Variants in SDHAF3 observed in about 807,000 individuals in gnomAD.
The protein encoded by SDHAF3 is succinate dehydrogenase complex assembly factor 3, also known as succinate dehydrogenase assembly factor 3, mitochondrial.
A neutral mutation model predicts 11.5 loss-of-function variants in SDHAF3; 18 were observed. The observed-to-expected ratio is 1.56, with a 90% confidence interval of 1.08 to 2.32. SDHAF3 has a LOEUF of 2.32. Ranked by LOEUF, SDHAF3 falls within the 30% of genes most tolerant of loss-of-function variation. The pLI, the probability that SDHAF3 is intolerant of heterozygous loss-of-function variation, is 0.00. For missense variants in SDHAF3, 200 were observed against 154.4 expected, an observed-to-expected ratio of 1.30 and a Z score of -1.57; for synonymous variants, 72 against 59.3, an observed-to-expected ratio of 1.21 and a Z score of -0.99.
Position 97,181,090 on chromosome 7 carries a change from C to G in SDHAF3, c.253C>G (p.Leu85Val), listed in dbSNP as rs771381405. The G allele has an allele frequency of 1.1e-5, 17 of 1,614,004 alleles. No homozygotes were observed. The highest frequency in any genetic ancestry group is 1.4e-5 in the Non-Finnish European group (17 of 1,179,950). ...STGKACFGTFLPEEKLNDFRD... is the reference protein window; with the variant it reads ...STGKACFGTFVPEEKLNDFRD... ...TGGAAAAGCATGTTTTGGCACCTTC[C>G]TCCCAGAAGAAAAACTTAATGACTT... The change falls in exon 2 of 2, where the codon CTC (leucine) becomes GTC (valine). Residue 85 changes from leucine (L) to valine (V), a missense_variant. By Grantham distance (32) the Leu-to-Val change is conservative. Coordinates refer to ENST00000432641, the MANE Select transcript of SDHAF3 (RefSeq NM_020186.3).
At chr7:97,167,257 A>T (rs1346595027) in intron 1 of SDHAF3, among the ~76,000 whole-genome samples, 1 of 152,016 alleles carries the variant, frequency 6.6e-6, no homozygotes, top group Non-Finnish European at 1.5e-5. Context: ...CTGATGGTTT[A>T]AAAGTGTGTA....
chr7:97,123,146 TC>T, intron 1 of SDHAF3, among the ~76,000 whole-genome samples: 1 of 151,866 alleles, frequency 6.6e-6, no homozygotes, highest in Non-Finnish European at 1.5e-5. Flanking sequence ...ACCTCCTCTT[TC>T]CCCCCACCCC....
intron 1 of SDHAF3, among the ~76,000 whole-genome samples, chr7:97,122,488 G>C (rs951934448): frequency 2.0e-5 from 3 of 151,862 alleles, no homozygotes; most frequent in African/African-American, 7.3e-5. Flanking sequence ...TGAAAATGGA[G>C]GATATAGATT....
At chr7:97,141,316 G>A (rs1368191469) in intron 1 of SDHAF3, among the ~76,000 whole-genome samples, 1 of 152,060 alleles carries the variant, frequency 6.6e-6, no homozygotes, top group Non-Finnish European at 1.5e-5. Context: ...TTATTACCTT[G>A]TGAAGCATGT....
chr7:97,158,441 C>T (rs997697394), intron 1 of SDHAF3, among the ~76,000 whole-genome samples: 7 of 152,138 alleles, frequency 4.6e-5, no homozygotes, highest in Admixed American at 4.6e-4. Flanking sequence ...GATTCTCATG[C>T]CCCAGCCTCC....
At chr7:97,174,876 C>T (rs182716956) in intron 1 of SDHAF3, among the ~76,000 whole-genome samples, 12 of 152,288 alleles carry the variant, frequency 7.9e-5, no homozygotes, top group Non-Finnish European at 1.5e-4. Flanking sequence ...ACTTCTGAGA[C>T]TGGCGTTGTT....
chr7:97,157,280 T>C (rs1316039480), intron 1 of SDHAF3, among the ~76,000 whole-genome samples: 1 of 152,222 alleles, frequency 6.6e-6, no homozygotes, highest in Non-Finnish European at 1.5e-5. Context: ...GTTAGACTTC[T>C]GTACCTGGTA....
At chr7:97,134,916 G>A (rs1791726963) in intron 1 of SDHAF3, 1 of 152,056 alleles carries the variant, frequency 6.6e-6, no homozygotes. Flanking sequence ...ATCTAGTAAG[G>A]GCAGAGACAT....
At chr7:97,168,561 A>T (rs1318394373) in intron 1 of SDHAF3, among the ~76,000 whole-genome samples, 1 of 152,182 alleles carries the variant, frequency 6.6e-6, no homozygotes, top group Non-Finnish European at 1.5e-5. Flanking sequence ...TCTCAGTTAT[A>T]ATTTTGCAAT....
In SDHAF3 at chr7:97,181,394, T is replaced by C. The variant is rs1034026095; in HGVS notation, c.*179T>C. On this transcript the variant is annotated 3_prime_UTR_variant, in exon 2 of 2. Transcript: ENST00000432641. ...ATCACTAGTGACAATTGAAAAAAAC[T>C]ATTGGAATAATAGCACTTGTATGAA... 1 of 491,038 alleles carries C rather than the reference T, an allele frequency of 2.0e-6. No homozygotes were observed. The highest frequency in any genetic ancestry group is 2.0e-5 in the African/African-American group (1 of 50,550). 30.4% of individuals were successfully genotyped at this position (491,038 alleles called of 1,614,324 possible). A position where few individuals can be genotyped will look rare whatever the true frequency, so the allele number is the denominator to read the frequency against.
chr7:97,174,951 C>A (rs935283906), intron 1 of SDHAF3, among the ~76,000 whole-genome samples: 1 of 152,072 alleles, frequency 6.6e-6, no homozygotes, highest in Non-Finnish European at 1.5e-5. Flanking sequence ...ACACTTAGGT[C>A]TCTTGTGTTT....
chr7:97,158,664 A>T (rs1021685694), intron 1 of SDHAF3, among the ~76,000 whole-genome samples: 19 of 152,194 alleles, frequency 1.2e-4, no homozygotes, highest in African/African-American at 4.3e-4. Flanking sequence ...AAATGGAAAG[A>T]TGCATGACCA....
chr7:97,173,304 C>G (rs1372078368), intron 1 of SDHAF3, among the ~76,000 whole-genome samples: 1 of 152,062 alleles, frequency 6.6e-6, no homozygotes, highest in Non-Finnish European at 1.5e-5. Context: ...TGTATATATG[C>G]ATTTTTTTAA....
At chr7:97,173,048 T>G (rs1014341) in intron 1 of SDHAF3, among the ~76,000 whole-genome samples, 87,569 of 151,966 alleles carry the variant, frequency 0.58, 25,657 homozygotes, top group Non-Finnish European at 0.63. Flanking sequence ...ACCTAGATAC[T>G]TTGCATAGGC....
At chr7:97,161,117 C>A (rs1789402968) in intron 1 of SDHAF3, among the ~76,000 whole-genome samples, 4 of 152,206 alleles carry the variant, frequency 2.6e-5, no homozygotes, top group African/African-American at 9.6e-5. Context: ...TGGCTGGGTC[C>A]CAATCAGCCA....
chr7:97,168,275 T>C (rs988815264), intron 1 of SDHAF3, among the ~76,000 whole-genome samples: 1 of 152,166 alleles, frequency 6.6e-6, no homozygotes, highest in Non-Finnish European at 1.5e-5. Context: ...AACAGTGATA[T>C]TATCCCCAGG....
intron 1 of SDHAF3, among the ~76,000 whole-genome samples, chr7:97,180,418 A>G (rs1789751384): frequency 6.6e-6 from 1 of 152,190 alleles, no homozygotes; most frequent in African/African-American, 2.4e-5. Flanking sequence ...GCACACATGG[A>G]TGTAAACTGG....
At chr7:97,130,204 G>T (rs1791645752) in intron 1 of SDHAF3, among the ~76,000 whole-genome samples, 1 of 151,834 alleles carries the variant, frequency 6.6e-6, no homozygotes, top group South Asian at 2.1e-4. Context: ...TCCTGGAGAA[G>T]GTGGTTGCAG....
chr7:97,126,923 G>A (rs1397539054), intron 1 of SDHAF3, among the ~76,000 whole-genome samples: 2 of 152,078 alleles, frequency 1.3e-5, no homozygotes, highest in African/African-American at 4.8e-5. Context: ...GAAACCCAGG[G>A]CCTTGGTGGT....
Sources: gnomAD v4.1 joint callset for allele counts (sites outside exome capture counted in the v4.1 genomes callset) on GRCh38, gnomAD v4.1.1 for gene constraint, MANE v1.5 for transcripts, NCBI Gene and HGNC (gene_info 2026-07-23, HGNC 2026-07-21) for gene names.